The following IQCH variants were observed in gnomAD, a reference collection of about 807,000 sequenced individuals.
IQCH encodes the protein IQ domain-containing protein H.
In IQCH, 98 loss-of-function variants were observed where a neutral mutation model predicts 117.0. The ratio of observed to expected loss-of-function variants is 0.84; its 90% CI spans 0.71 to 0.99. The LOEUF (loss-of-function observed/expected upper bound fraction) is 0.99. Ranked by LOEUF, IQCH falls within the 50% of genes least tolerant of loss-of-function variation. The pLI is 0.00. For synonymous variants in IQCH, 412 were observed against 448.2 expected, an observed-to-expected ratio of 0.92 and a Z score of 1.02; for missense variants, 1,102 against 1,243.8, an observed-to-expected ratio of 0.89 and a Z score of 1.72.
At chr15:67,354,778 G>T (rs1371238255) in intron 6 of IQCH, among the ~76,000 whole-genome samples, 1 of 152,188 alleles carries the variant, frequency 6.6e-6, no homozygotes, top group Non-Finnish European at 1.5e-5. Flanking sequence ...AGGGATGGTG[G>T]CATTGATCAG....
chr15:67,438,231 T>TTCTCAGCAGAAACCCTACAAGCTAGAA (rs2082186406), intron 16 of IQCH, among the ~76,000 whole-genome samples: 1 of 152,206 alleles, frequency 6.6e-6, no homozygotes, highest in Admixed American at 6.5e-5. Context: ...TAGAAGGGAT[T>TTCTCAGCAGAAACCCTACAAGCTAGAA]GGGGACCTAT....
rs2082026724 is a variant in IQCH, at chr15:67,431,831, A to G, written c.2505+10254A>G. On this transcript the variant is annotated intron_variant, in intron 16 of 20. Transcript: ENST00000335894. The surrounding 1 kb of genome is among the most constrained non-coding windows in gnomAD (Gnocchi z 4.8). The stretch of plus-strand genomic sequence containing the variant: ...AAGCTTCAGGTGATGGAAAAAGGAA[A>G]AAAAGTTCTTTTAGCCTGGGCATCA... 6.6e-6 allele frequency among the ~76,000 whole-genome samples: 1 copy of G among 152,122 alleles called. No homozygotes were observed. The highest frequency in any genetic ancestry group is 2.1e-4 in the South Asian group (1 of 4,826).
intron 6 of IQCH, among the ~76,000 whole-genome samples, 187 bp from the exon 7 acceptor site, chr15:67,357,158 A>T (rs543156966): frequency 1.3e-5 from 2 of 152,190 alleles, no homozygotes; most frequent in Non-Finnish European, 2.9e-5. Context: ...TTGCCCTCTC[A>T]TGCTCTTGGC....
At chr15:67,338,245 ATCTG>A (rs140859308) in intron 5 of IQCH, among the ~76,000 whole-genome samples, 13,909 of 151,002 alleles carry the variant, frequency 0.092, 843 homozygotes, top group East Asian at 0.23. Context: ...CTATCTATCT[ATCTG>A]TCTGCTCTGC....
At position 67,390,898 on chromosome 15, in the gene IQCH, T is replaced by TCAC. The variant is rs1971264838; in HGVS notation, c.1632+1892_1632+1893insCAC. Among the ~76,000 whole-genome samples, 1 of 152,218 alleles carries TCAC rather than the reference T, an allele frequency of 6.6e-6. No individual in the cohort carries two copies. The highest frequency in any genetic ancestry group is 1.5e-5 in the Non-Finnish European group (1 of 68,034). On this transcript the variant is annotated intron_variant, in intron 12 of 20. Coordinates refer to ENST00000335894, the MANE Select transcript of IQCH (RefSeq NM_001031715.3). The surrounding 1 kb of genome is among the most constrained non-coding windows in gnomAD (Gnocchi z 5.0). The stretch of plus-strand genomic sequence containing the variant: ...CAAGACTCATTTTCTAGTCCAAGGT[T>TCAC]ACTAGTAAGGCCAGAGTGTGAACCA...
chr15:67,491,537 A>G lies in IQCH; in HGVS notation c.2861+1473A>G, dbSNP rs1022645928. ...CCCCTCCAGTTTCAGTCTTCCCCCA[A>G]GATCCCATAAACATGCAAAACTTAT... is the stretch of plus-strand genomic sequence containing the variant. On this transcript the variant is annotated intron_variant, in intron 19 of 20. Coordinates refer to ENST00000335894, the MANE Select transcript of IQCH (RefSeq NM_001031715.3). This position sits in a 1 kb window ranked among gnomAD's most constrained non-coding sequence, Gnocchi z 4.9. 1.1e-4 allele frequency among the ~76,000 whole-genome samples: 16 copies of G among 152,102 alleles called. No homozygotes were observed. The highest frequency in any genetic ancestry group is 8.8e-5 in the Non-Finnish European group (6 of 68,012).
intron 4 of IQCH, among the ~76,000 whole-genome samples, chr15:67,320,529 A>G: frequency 6.6e-6 from 1 of 152,204 alleles, no homozygotes; most frequent in East Asian, 1.9e-4. Flanking sequence ...TTGGAATGCC[A>G]CAAATAAATA....
chr15:67,280,462 T>A (rs1596088538), intron 4 of IQCH, among the ~76,000 whole-genome samples: 2 of 152,316 alleles, frequency 1.3e-5, no homozygotes, highest in South Asian at 4.1e-4. Flanking sequence ...GCAGATCCGG[T>A]GTCTGGTGAG....
chr15:67,269,308 G>A (rs902856487), intron 3 of IQCH, among the ~76,000 whole-genome samples: 8 of 152,076 alleles, frequency 5.3e-5, no homozygotes, highest in African/African-American at 1.9e-4. Flanking sequence ...TTATCCTGCT[G>A]GTAGAAGTGT....
intron 6 of IQCH, among the ~76,000 whole-genome samples, chr15:67,350,158 A>G (rs1182440066): frequency 1.3e-5 from 2 of 152,264 alleles, no homozygotes; most frequent in African/African-American, 4.8e-5. Context: ...GAATTGAGGT[A>G]CATCCATACA....
chr15:67,418,285 G>A (rs1202292781), intron 15 of IQCH, among the ~76,000 whole-genome samples: 2 of 151,990 alleles, frequency 1.3e-5, no homozygotes, highest in Non-Finnish European at 2.9e-5. Context: ...GGCTGGGCAG[G>A]GTGTATTGGA....
At chr15:67,402,368 T>C (rs937799350) in intron 14 of IQCH, among the ~76,000 whole-genome samples, 2 of 152,222 alleles carry the variant, frequency 1.3e-5, no homozygotes, top group Admixed American at 6.5e-5. Flanking sequence ...TAGGAGCCTA[T>C]TGACATTCTT....
chr15:67,279,947 C>T (rs956197), intron 4 of IQCH, among the ~76,000 whole-genome samples: 68,346 of 151,554 alleles, frequency 0.45, 15,872 homozygotes, highest in Non-Finnish European at 0.52. Context: ...ACCCGGGAGG[C>T]GGAACTTTCA....
chr15:67,255,182 ACT>A (rs1489725706), intron 1 of IQCH: 1 of 580,420 alleles, frequency 1.7e-6, no homozygotes, highest in East Asian at 2.8e-5. Flanking sequence ...CTCTGGGAAA[ACT>A]CTAAAACCGT....
rs1567059965 is a variant in IQCH at position 67,279,513 on chromosome 15, G to A, written c.387+1G>A. ...TCTGCCTGTCTTTCCAAGAGCAAAG[G>A]TAGGTATAGAGAAATTCATAGAGAC... is the stretch of plus-strand genomic sequence containing the variant. On this transcript the variant is annotated splice_donor_variant, in intron 4 of 20. Coordinates refer to ENST00000335894, the MANE Select transcript of IQCH (RefSeq NM_001031715.3). LOFTEE classifies it high-confidence loss of function. 1 of 1,559,472 alleles carries A rather than the reference G, an allele frequency of 6.4e-7. No homozygotes were observed. The highest frequency in any genetic ancestry group is 8.8e-7 in the Non-Finnish European group (1 of 1,136,256).
chr15:67,477,193 G>A (rs2083226416), intron 18 of IQCH, among the ~76,000 whole-genome samples: 1 of 151,642 alleles, frequency 6.6e-6, no homozygotes, highest in African/African-American at 2.4e-5. Context: ...TGCGATTACG[G>A]GCACGTGCAA....
intron 1 of IQCH, among the ~76,000 whole-genome samples, chr15:67,260,511 A>G (rs775160654): frequency 1.9e-4 from 29 of 152,238 alleles, no homozygotes; most frequent in Admixed American, 5.2e-4. Flanking sequence ...TGGAAAACCA[A>G]CAGGCACTGA....
Position 67,334,328 on chromosome 15 carries a change from A to G in IQCH, c.388-2647A>G, listed in dbSNP as rs146268117. Among the ~76,000 whole-genome samples the G allele has an allele frequency of 6.8e-4, 104 of 152,238 alleles. 4 individuals are homozygous for G. The East Asian group carries it at 0.012, about 18-fold the overall frequency. ...CATAAAGCTGGTTTCTTTAATTTGC[A>G]TCAGTCTCAATCTACCTTTCCAGTC... is the stretch of plus-strand genomic sequence containing the variant. On this transcript the variant is annotated intron_variant, in intron 4 of 20. Transcript: ENST00000335894.
chr15:67,284,705 C>T (rs1966494711), intron 4 of IQCH, among the ~76,000 whole-genome samples: 2 of 152,060 alleles, frequency 1.3e-5, no homozygotes, highest in African/African-American at 4.8e-5. Context: ...TAAATGAGAA[C>T]ATGTGGTATT....
Sources: gnomAD v4.1 joint callset for allele counts (sites outside exome capture counted in the v4.1 genomes callset) on GRCh38, gnomAD v4.1.1 for gene constraint, Gnocchi (gnomAD v3.1) non-coding constraint, MANE v1.5 for transcripts, NCBI Gene and HGNC (gene_info 2026-07-23, HGNC 2026-07-21) for gene names.